Variants in RABGAP1L observed in about 807,000 individuals in gnomAD.
RABGAP1L encodes RAB GTPase activating protein 1 like.
Under a neutral mutation model 137.7 loss-of-function variants are expected in RABGAP1L, and 63 were observed. That is an observed-to-expected ratio of 0.46 (90% CI 0.37 to 0.56). The LOEUF is 0.56. Among genes scored for constraint, RABGAP1L ranks in the 20% least tolerant of loss-of-function variants. The pLI is 0.00. For synonymous variants in RABGAP1L, 431 were observed against 433.7 expected (o/e 0.99, Z 0.08); for missense variants, 1,095 against 1,244.0 (o/e 0.88, Z 1.80).
chr1:174,477,373 A>AT (rs541808745), intron 13 of RABGAP1L, among the ~76,000 whole-genome samples: 31 of 152,350 alleles, frequency 2.0e-4, no homozygotes, highest in Middle Eastern at 6.8e-3. Flanking sequence ...TGATGTTCAT[A>AT]TATAGTAATC....
chr1:174,637,346 T>A, intron 13 of RABGAP1L, 29 bp from the exon 14 acceptor site: 1 of 1,481,726 alleles, frequency 6.7e-7, no homozygotes, highest in South Asian at 1.2e-5. Context: ...AAAAATTTAA[T>A]AACCAGGTCT....
chr1:174,939,268 A>T (rs943661243), intron 19 of RABGAP1L, among the ~76,000 whole-genome samples: 5 of 152,198 alleles, frequency 3.3e-5, no homozygotes, highest in Admixed American at 1.3e-4. Flanking sequence ...AAAGAAATGA[A>T]TTTTGGGCCA....
chr1:174,961,480 C>T (rs965767124), intron 20 of RABGAP1L, among the ~76,000 whole-genome samples: 9 of 152,128 alleles, frequency 5.9e-5, no homozygotes, highest in Admixed American at 5.2e-4. Context: ...CTTCATCTAC[C>T]TTTGGAGAAC....
Position 174,988,723 on chromosome 1 carries a change from A to C in RABGAP1L, c.2888A>C (p.Asp963Ala). ...AAACTAGCAGCCACAGGCAGAGAGG[A>C]CCAGGGAATTGAAACAGATGATGAG... ...ALKLAATGRE[D>A]QGIETDDEKD... The change falls in exon 25 of 26, where the codon GAC (aspartate) becomes GCC (alanine). Residue 963 changes from aspartate (D) to alanine (A), a missense_variant. Asp to Ala is a moderately radical substitution (Grantham distance 126). This residue lies in a region of RABGAP1L where 312 missense variants were observed against 435.6 expected (regional missense o/e 0.72). Transcript: ENST00000681986. The C allele has an allele frequency of 6.5e-7, 1 of 1,549,686 alleles. No homozygotes were observed. Among genetic ancestry groups the C allele is most frequent in the Non-Finnish European group, 8.7e-7 (1 of 1,146,526 alleles).
chr1:174,544,236 C>T lies in RABGAP1L; in HGVS notation c.1711-93139C>T, dbSNP rs185393887. On this transcript the variant is annotated intron_variant, in intron 13 of 25. Transcript: ENST00000681986. ...CCTTGTCACTTTCAGGTACACCAGTCAGGTGTAGATTTGTTTTTTTCACAT... is the reference window on the plus strand; with the variant it reads ...CCTTGTCACTTTCAGGTACACCAGTTAGGTGTAGATTTGTTTTTTTCACAT... Among the ~76,000 whole-genome samples, 12 of 152,260 alleles carry T rather than the reference C, an allele frequency of 7.9e-5. No homozygotes were observed. The East Asian group carries it at 2.3e-3, about 29-fold the overall frequency.
chr1:174,327,975 A>ACG (rs1296137345), intron 11 of RABGAP1L, among the ~76,000 whole-genome samples: 2 of 13,826 alleles, frequency 1.4e-4, no homozygotes, highest in African/African-American at 2.0e-3. Flanking sequence ...ATATATATAT[A>ACG]TATACACACA....
At chr1:174,201,967 CA>C (rs1368855617) in intron 1 of RABGAP1L, among the ~76,000 whole-genome samples, 1 of 152,018 alleles carries the variant, frequency 6.6e-6, no homozygotes, top group African/African-American at 2.4e-5. Flanking sequence ...CATGTCCCTA[CA>C]AAGGACATGA....
intron 10 of RABGAP1L, among the ~76,000 whole-genome samples, chr1:174,287,673 A>T (rs1422981923): frequency 6.6e-6 from 1 of 151,816 alleles, no homozygotes; most frequent in Admixed American, 6.6e-5. Flanking sequence ...TTGCTTTTTT[A>T]TTACAGACAG....
intron 19 of RABGAP1L, among the ~76,000 whole-genome samples, chr1:174,879,675 T>C (rs1653826235): frequency 6.6e-6 from 1 of 152,252 alleles, no homozygotes; most frequent in Non-Finnish European, 1.5e-5. Flanking sequence ...TACATAGTGA[T>C]TCATTATATT....
At chr1:174,931,999 T>G (rs891975028) in intron 19 of RABGAP1L, among the ~76,000 whole-genome samples, 25 of 142,484 alleles carry the variant, frequency 1.8e-4, no homozygotes, top group Admixed American at 3.4e-4. Context: ...GGTTTTTTTT[T>G]TTTTTTTTTT....
At chr1:174,458,724 A>G (rs1345012698) in intron 13 of RABGAP1L, among the ~76,000 whole-genome samples, 2 of 152,130 alleles carry the variant, frequency 1.3e-5, no homozygotes, top group Non-Finnish European at 2.9e-5. Flanking sequence ...CTACTAATAT[A>G]ACATAATCGT....
At chr1:174,733,326 C>G (rs1398134931) in intron 17 of RABGAP1L, among the ~76,000 whole-genome samples, 1 of 152,208 alleles carries the variant, frequency 6.6e-6, no homozygotes, top group African/African-American at 2.4e-5. Flanking sequence ...CAGCTTCATC[C>G]CTCACATGCA....
intron 13 of RABGAP1L, among the ~76,000 whole-genome samples, chr1:174,397,399 C>A (rs1044422819): frequency 6.6e-6 from 1 of 152,084 alleles, no homozygotes; most frequent in Admixed American, 6.6e-5. Context: ...CAATCACTTG[C>A]CTTCACTCTG....
At chr1:174,265,013 T>C (rs965632666) in intron 7 of RABGAP1L, among the ~76,000 whole-genome samples, 2 of 152,216 alleles carry the variant, frequency 1.3e-5, no homozygotes, top group African/African-American at 4.8e-5. Context: ...TACATGTGTT[T>C]TATGAGTGAT....
At chr1:174,655,186 C>T (rs1362430341) in intron 14 of RABGAP1L, among the ~76,000 whole-genome samples, 1 of 152,152 alleles carries the variant, frequency 6.6e-6, no homozygotes, top group African/African-American at 2.4e-5. Flanking sequence ...ACATCCAAAT[C>T]AGTACTACCT....
intron 13 of RABGAP1L, among the ~76,000 whole-genome samples, chr1:174,447,780 C>T (rs879511590): frequency 2.0e-5 from 3 of 151,972 alleles, no homozygotes; most frequent in Non-Finnish European, 4.4e-5. Flanking sequence ...TCTATTTTCT[C>T]TAGAAGTGCC....
chr1:174,580,424 A>G (rs1170429071), intron 13 of RABGAP1L, among the ~76,000 whole-genome samples: 1 of 152,252 alleles, frequency 6.6e-6, no homozygotes, highest in Non-Finnish European at 1.5e-5. Flanking sequence ...AATGTGGCAC[A>G]TATACACCAT....
intron 15 of RABGAP1L, among the ~76,000 whole-genome samples, chr1:174,691,948 G>T (rs1440272446): frequency 6.6e-6 from 1 of 152,010 alleles, no homozygotes; most frequent in Admixed American, 6.6e-5. Context: ...TCTTTATGCC[G>T]ATTGAGGGAT....
chr1:174,475,017 T>A (rs1380681244), intron 13 of RABGAP1L, among the ~76,000 whole-genome samples: 1 of 151,982 alleles, frequency 6.6e-6, no homozygotes, highest in Non-Finnish European at 1.5e-5. Context: ...GTAATGTATG[T>A]TACAATAAAT....
Sources: gnomAD v4.1 joint callset for allele counts (sites outside exome capture counted in the v4.1 genomes callset) on GRCh38, gnomAD v4.1.1 for gene constraint, gnomAD v4.1.1 regional missense constraint, MANE v1.5 for transcripts, NCBI Gene and HGNC (gene_info 2026-07-23, HGNC 2026-07-21) for gene names.